The following SLC49A4 variants were observed in gnomAD, a reference collection of about 807,000 sequenced individuals.
The protein encoded by SLC49A4 is solute carrier family 49 member 4, also known as disrupted in renal cancer protein 2.
A neutral mutation model predicts 50.6 loss-of-function variants in SLC49A4; 36 were observed. That is an observed-to-expected ratio of 0.71 (90% CI 0.55 to 0.94). The LOEUF (loss-of-function observed/expected upper bound fraction) is 0.94. Among genes scored for constraint, SLC49A4 ranks in the 40% least tolerant of loss-of-function variants. The pLI, the probability that SLC49A4 is intolerant of heterozygous loss-of-function variation, is 0.00. For synonymous variants in SLC49A4, 248 were observed against 241.2 expected, an observed-to-expected ratio of 1.03 and a Z score of -0.26; for missense variants, 503 against 605.7, an observed-to-expected ratio of 0.83 and a Z score of 1.78.
chr3:122,798,662 T>TTG (rs34893355), intron 1 of SLC49A4, among the ~76,000 whole-genome samples: 4 of 144,686 alleles, frequency 2.8e-5, no homozygotes, highest in African/African-American at 7.7e-5. Flanking sequence ...TTTTTTTTTT[T>TTG]GAGACAGAGT....
chr3:122,833,080 A>G (rs921895171), intron 3 of SLC49A4, among the ~76,000 whole-genome samples: 3 of 152,066 alleles, frequency 2.0e-5, no homozygotes, highest in African/African-American at 7.2e-5. Context: ...CTACAAAAAT[A>G]AAAAATAAAA....
rs1045688475 is a variant in SLC49A4, at chr3:122,869,356, C to T, written c.1139-3059C>T. On this transcript the variant is annotated intron_variant, in intron 7 of 8. Transcript: ENST00000261038. ...TTTTAATATAACATACTTTTCAGCA[C>T]CTTTTTCACTTATGTATCTTAGTTA... Among the ~76,000 whole-genome samples the T allele has an allele frequency of 2.0e-5, 3 of 152,080 alleles. No homozygotes were observed. The South Asian group carries it at 6.2e-4, about 31-fold the overall frequency.
chr3:122,842,785 TAA>T (rs1936790783), intron 4 of SLC49A4, among the ~76,000 whole-genome samples: 1 of 152,228 alleles, frequency 6.6e-6, no homozygotes, highest in South Asian at 2.1e-4. Context: ...TCCTTCTCTA[TAA>T]AGAGTCCTTT....
chr3:122,829,388 A>G (rs938782066), intron 3 of SLC49A4, among the ~76,000 whole-genome samples: 2 of 152,244 alleles, frequency 1.3e-5, no homozygotes, highest in East Asian at 3.8e-4. Context: ...CACCCTTTCA[A>G]TGAACTGGAA....
At chr3:122,857,310 A>C (rs1202745399) in intron 6 of SLC49A4, among the ~76,000 whole-genome samples, 1 of 151,284 alleles carries the variant, frequency 6.6e-6, no homozygotes, top group Non-Finnish European at 1.5e-5. Flanking sequence ...AAAAAAGGAA[A>C]AGAATTAAAA....
chr3:122,802,763 GA>G (rs1936151573), intron 1 of SLC49A4, among the ~76,000 whole-genome samples: 1 of 152,084 alleles, frequency 6.6e-6, no homozygotes, highest in Non-Finnish European at 1.5e-5. Flanking sequence ...TGTCTGAGAT[GA>G]AAAAAATATA....
At chr3:122,844,018 T>C (rs1297363837) in intron 4 of SLC49A4, among the ~76,000 whole-genome samples, 3 of 152,210 alleles carry the variant, frequency 2.0e-5, no homozygotes, top group Non-Finnish European at 4.4e-5. Context: ...ATTGTTACCA[T>C]AAACACTACT....
At chr3:122,836,390 G>T (rs978384901) in intron 4 of SLC49A4, among the ~76,000 whole-genome samples, 2 of 149,680 alleles carry the variant, frequency 1.3e-5, no homozygotes, top group East Asian at 1.9e-4. Flanking sequence ...TGCTGGATTC[G>T]GTTTGCCAGT....
intron 8 of SLC49A4, among the ~76,000 whole-genome samples, chr3:122,873,485 C>G (rs1400867317): frequency 6.6e-6 from 1 of 152,160 alleles, no homozygotes; most frequent in African/African-American, 2.4e-5. Context: ...TGGCCAGAAA[C>G]TTTCAAAGCC....
At chr3:122,832,743 T>G (rs940868799) in intron 3 of SLC49A4, among the ~76,000 whole-genome samples, 1 of 152,222 alleles carries the variant, frequency 6.6e-6, no homozygotes, top group Non-Finnish European at 1.5e-5. Context: ...TTTTTATCTG[T>G]GTGCCATAGT....
intron 4 of SLC49A4, among the ~76,000 whole-genome samples, chr3:122,841,549 C>T (rs779929396): frequency 6.6e-6 from 1 of 152,126 alleles, no homozygotes; most frequent in African/African-American, 2.4e-5. Context: ...AACAGAGTTA[C>T]GTTTAATGGA....
intron 2 of SLC49A4, among the ~76,000 whole-genome samples, chr3:122,816,176 GA>G (rs1308698938): frequency 6.6e-6 from 1 of 152,090 alleles, no homozygotes; most frequent in African/African-American, 2.4e-5. Flanking sequence ...TTTGCTGCTA[GA>G]CTGGCTCTGA....
chr3:122,879,203 A>G, intron 8 of SLC49A4, 60 bp from the exon 9 acceptor site: 1 of 1,190,956 alleles, frequency 8.4e-7, no homozygotes. Context: ...TCCGGCATAC[A>G]GGTGGTGGTC....
chr3:122,864,751 T>C (rs1937094712), intron 7 of SLC49A4, among the ~76,000 whole-genome samples: 1 of 152,200 alleles, frequency 6.6e-6, no homozygotes, highest in Non-Finnish European at 1.5e-5. Flanking sequence ...CAGTGGGTTA[T>C]GCCTGTAATA....
chr3:122,821,628 A>T (rs1340498198), intron 2 of SLC49A4, among the ~76,000 whole-genome samples: 1 of 152,300 alleles, frequency 6.6e-6, no homozygotes, highest in African/African-American at 2.4e-5. Context: ...TAACTAGTCC[A>T]TTACTGGACA....
chr3:122,823,095 A>G (rs1268596452), intron 2 of SLC49A4, among the ~76,000 whole-genome samples: 2 of 152,110 alleles, frequency 1.3e-5, no homozygotes, highest in African/African-American at 4.8e-5. Context: ...TGAGGATTTC[A>G]TAGGGCCAAG....
intron 1 of SLC49A4, among the ~76,000 whole-genome samples, chr3:122,799,430 C>A (rs1936099283): frequency 6.6e-6 from 1 of 152,178 alleles, no homozygotes. Flanking sequence ...AGATTCCAAA[C>A]TTGTCTGGCA....
chr3:122,822,752 A>G (rs535362833), intron 2 of SLC49A4, among the ~76,000 whole-genome samples: 2 of 151,800 alleles, frequency 1.3e-5, no homozygotes, highest in Non-Finnish European at 2.9e-5. Context: ...CCATTCCTCT[A>G]TTTTTAAAAT....
intron 4 of SLC49A4, among the ~76,000 whole-genome samples, chr3:122,840,110 G>T (rs1275496179): frequency 1.3e-5 from 2 of 152,180 alleles, no homozygotes; most frequent in South Asian, 2.1e-4. Context: ...GCTGGAAGCC[G>T]TTATTCTAAG....
Sources: allele counts gnomAD v4.1 joint callset (sites outside exome capture counted in the v4.1 genomes callset), GRCh38; gene constraint gnomAD v4.1.1; transcripts MANE v1.5; gene names NCBI Gene and HGNC (gene_info 2026-07-23, HGNC 2026-07-21).